The following WDR7 variants were observed in gnomAD, a reference collection of about 807,000 sequenced individuals.
The protein encoded by WDR7 is WD repeat domain 7, also known as WD repeat-containing protein 7.
In WDR7, 46 loss-of-function variants were observed where a neutral mutation model predicts 169.4. That is an observed-to-expected ratio of 0.27 (90% CI 0.21 to 0.35). The LOEUF (loss-of-function observed/expected upper bound fraction) is 0.35. Among genes scored for constraint, WDR7 ranks in the 10% least tolerant of loss-of-function variants. The probability of loss-of-function intolerance (pLI) is 1.00; values close to 1 mark genes in which losing one functional copy is unlikely to be tolerated. For missense variants in WDR7, 1,534 were observed against 1,859.3 expected (o/e 0.83, Z 3.22); for synonymous variants, 612 against 666.8 (o/e 0.92, Z 1.27).
chr18:56,782,034 C>T (rs116566936), intron 19 of WDR7: 1,566 of 154,622 alleles, frequency 0.01, 30 homozygotes, highest in African/African-American at 0.036. Context: ...AACTCTCTTG[C>T]TAGTTAAAGT....
intron 21 of WDR7, among the ~76,000 whole-genome samples, chr18:56,889,235 C>T (rs181492836): frequency 2.0e-5 from 3 of 152,286 alleles, no homozygotes; most frequent in Non-Finnish European, 4.4e-5. Flanking sequence ...TACTAAATTA[C>T]GTGTGTCCCA....
chr18:56,795,357 G>T (rs6566836), intron 19 of WDR7, among the ~76,000 whole-genome samples: 1 of 152,148 alleles, frequency 6.6e-6, no homozygotes, highest in Non-Finnish European at 1.5e-5. Flanking sequence ...TTTTAAGATC[G>T]CAAAAAGTGC....
chr18:56,714,547 C>T (rs939342880), intron 12 of WDR7, among the ~76,000 whole-genome samples: 6 of 150,204 alleles, frequency 4.0e-5, no homozygotes, highest in Non-Finnish European at 7.4e-5. Flanking sequence ...CAGGTTCAGG[C>T]GATTCTCCTC....
chr18:56,830,477 A>G (rs2045289415), intron 20 of WDR7, among the ~76,000 whole-genome samples: 1 of 152,208 alleles, frequency 6.6e-6, no homozygotes, highest in Non-Finnish European at 1.5e-5. Flanking sequence ...GAGGACTTCT[A>G]AAAAATAGGA....
In WDR7 at chr18:57,023,421, A is replaced by T. The variant is rs189196771; in HGVS notation, c.4269+2572A>T. Reference sequence around the variant, plus strand: ...GCTGAGAAATGAGTGTTAATGAGAAATATTGGTTGGATAATTACTCAAGTG... The same window carrying T: ...GCTGAGAAATGAGTGTTAATGAGAATTATTGGTTGGATAATTACTCAAGTG... On this transcript the variant is annotated intron_variant, in intron 27 of 27. Coordinates refer to ENST00000254442, the MANE Select transcript of WDR7 (RefSeq NM_015285.3). Among the ~76,000 whole-genome samples, 150 of 152,354 alleles carry T rather than the reference A, an allele frequency of 9.8e-4. No individual in the cohort carries two copies. The Middle Eastern group carries it at 0.024, about 24-fold the overall frequency.
intron 5 of WDR7, among the ~76,000 whole-genome samples, chr18:56,683,842 C>A (rs1463214387): frequency 6.6e-6 from 1 of 152,152 alleles, no homozygotes; most frequent in Non-Finnish European, 1.5e-5. Flanking sequence ...CAGCACATAG[C>A]TTTTTATTCA....
intron 26 of WDR7, among the ~76,000 whole-genome samples, chr18:57,020,094 A>G (rs2048266613): frequency 1.3e-5 from 2 of 152,244 alleles, no homozygotes; most frequent in Non-Finnish European, 2.9e-5. Flanking sequence ...TCATGGTTAA[A>G]TCAATGATAG....
At chr18:57,015,672 A>G (rs2048196344) in intron 26 of WDR7, among the ~76,000 whole-genome samples, 2 of 152,170 alleles carry the variant, frequency 1.3e-5, no homozygotes, top group South Asian at 4.1e-4. Context: ...CCCCCTCCTT[A>G]GCTGCCCTTT....
At chr18:57,009,404 A>G (rs1345899661) in intron 26 of WDR7, among the ~76,000 whole-genome samples, 1 of 152,174 alleles carries the variant, frequency 6.6e-6, no homozygotes, top group Non-Finnish European at 1.5e-5. Flanking sequence ...TTATTTCAAT[A>G]GGTTTTGGGG....
downstream of WDR7, chr18:57,031,037 A>G (rs1024922381): frequency 4.6e-5 from 7 of 152,256 alleles, no homozygotes; most frequent in African/African-American, 1.2e-4. Context: ...ATGCTCAAAA[A>G]GCATTCAGAC....
chr18:56,830,087 A>C (rs917075700), intron 20 of WDR7, among the ~76,000 whole-genome samples: 1 of 152,178 alleles, frequency 6.6e-6, no homozygotes. Flanking sequence ...CGAATTGTTA[A>C]ATATGATTTG....
intron 20 of WDR7, among the ~76,000 whole-genome samples, chr18:56,849,589 A>C (rs778756753): frequency 2.0e-5 from 3 of 152,152 alleles, no homozygotes; most frequent in Admixed American, 6.5e-5. Flanking sequence ...CTCCAGGATT[A>C]CCATCCTAGT....
intron 16 of WDR7, among the ~76,000 whole-genome samples, chr18:56,772,060 CAAAAAAAAA>C (rs71169397): frequency 9.8e-5 from 5 of 51,166 alleles, no homozygotes; most frequent in African/African-American, 3.7e-4. Context: ...GACCCTGTCT[CAAAAAAAAA>C]AAAAAAAAAA....
At chr18:56,762,428 GT>G (rs1346027096) in intron 16 of WDR7, among the ~76,000 whole-genome samples, 1 of 151,760 alleles carries the variant, frequency 6.6e-6, no homozygotes, top group Admixed American at 6.6e-5. Context: ...TTTGTAGGCA[GT>G]TTTTAATTCT....
At chr18:56,787,416 TG>T (rs1251953906) in intron 19 of WDR7, among the ~76,000 whole-genome samples, 1 of 152,226 alleles carries the variant, frequency 6.6e-6, no homozygotes, top group Non-Finnish European at 1.5e-5. Context: ...AGGGTGCCGT[TG>T]TAATTTTATG....
intron 22 of WDR7, among the ~76,000 whole-genome samples, chr18:56,932,457 C>G (rs1326634546): frequency 6.6e-6 from 1 of 152,330 alleles, no homozygotes; most frequent in African/African-American, 2.4e-5. Context: ...TTTGCTGATT[C>G]CCCCAAATTC....
chr18:56,939,550 A>G (rs2047006226), intron 25 of WDR7, among the ~76,000 whole-genome samples, 157 bp downstream of exon 25: 1 of 152,188 alleles, frequency 6.6e-6, no homozygotes, highest in Non-Finnish European at 1.5e-5. Context: ...GGTTACAGTT[A>G]AAAACAAAAA....
At chr18:57,023,907 A>G (rs2048323411) in intron 27 of WDR7, among the ~76,000 whole-genome samples, 1 of 152,208 alleles carries the variant, frequency 6.6e-6, no homozygotes, top group South Asian at 2.1e-4. Context: ...CTATTCAGCC[A>G]TTTAAAAGGA....
chr18:56,821,414 C>G (rs1406145514), intron 20 of WDR7, among the ~76,000 whole-genome samples: 4 of 152,098 alleles, frequency 2.6e-5, no homozygotes, highest in African/African-American at 9.7e-5. Flanking sequence ...CACATATGTA[C>G]CAGGTAATAG....
Sources: gnomAD v4.1 joint callset for allele counts (sites outside exome capture counted in the v4.1 genomes callset) on GRCh38, gnomAD v4.1.1 for gene constraint, MANE v1.5 for transcripts, NCBI Gene and HGNC (gene_info 2026-07-23, HGNC 2026-07-21) for gene names.